The following DCAF17 variants were observed in gnomAD, a reference collection of about 807,000 sequenced individuals.
The protein encoded by DCAF17 is DDB1 and CUL4 associated factor 17.
In DCAF17, 48 loss-of-function variants were observed where a neutral mutation model predicts 66.0. That is an observed-to-expected ratio of 0.73 (90% CI 0.58 to 0.92). The LOEUF is 0.92. Ranked by LOEUF, DCAF17 falls within the 40% of genes least tolerant of loss-of-function variation. The pLI is 0.00. For missense variants in DCAF17, 562 were observed against 622.8 expected (o/e 0.90, Z 1.04); for synonymous variants, 206 against 214.6 (o/e 0.96, Z 0.35).
intron 4 of DCAF17, among the ~76,000 whole-genome samples, chr2:171,449,191 A>G (rs1289087252): frequency 6.6e-6 from 1 of 152,102 alleles, no homozygotes. Context: ...TATTTTTGGT[A>G]GAGCTGAGGT....
intron 2 of DCAF17, among the ~76,000 whole-genome samples, chr2:171,435,593 A>G (rs2105712767): frequency 6.8e-6 from 1 of 146,762 alleles, no homozygotes; most frequent in South Asian, 2.2e-4. Flanking sequence ...AAAGCCTAGT[A>G]TTTAGAGATC....
At position 171,466,727 on chromosome 2, in the gene DCAF17, G is replaced by GTT. The variant is rs74268270; in HGVS notation, c.839-2147_839-2146dup. 6.1e-3 allele frequency among the ~76,000 whole-genome samples: 819 copies of GTT among 133,620 alleles called. 8 individuals are homozygous for GTT. Among genetic ancestry groups the GTT allele is most frequent in the African/African-American group, 0.021 (759 of 36,554 alleles). The allele number at this position is 133,620 out of a possible 152,430, so 87.7% of individuals were successfully genotyped here. ...CTTTTTAAGTACATCTGTTTGTACTGTTTTTTTTTTTTTTTCTATTTTGAA... is the reference window on the plus strand; with the variant it reads ...CTTTTTAAGTACATCTGTTTGTACTGTTTTTTTTTTTTTTTTTCTATTTTGAA... On this transcript the variant is annotated intron_variant, in intron 8 of 13. Coordinates refer to ENST00000375255, the MANE Select transcript of DCAF17 (RefSeq NM_025000.4).
In DCAF17 at chr2:171,441,091, G is replaced by A. The variant is rs192828646; in HGVS notation, c.231-2432G>A. On this transcript the variant is annotated intron_variant, in intron 2 of 13. Coordinates refer to ENST00000375255, the MANE Select transcript of DCAF17 (RefSeq NM_025000.4). ...ACAATTTAGCCTGTATCTCCGCTGA[G>A]TCTACCAGTCTCCTCCCATTTGCCT... is the stretch of plus-strand genomic sequence containing the variant. Among the ~76,000 whole-genome samples, 432 of 152,268 alleles carry A rather than the reference G, an allele frequency of 2.8e-3. 6 individuals are homozygous for A. The highest frequency in any genetic ancestry group is 9.7e-3 in the African/African-American group (404 of 41,542).
intron 8 of DCAF17, among the ~76,000 whole-genome samples, chr2:171,461,725 G>GTA (rs1426895682): frequency 6.6e-6 from 1 of 152,254 alleles, no homozygotes; most frequent in East Asian, 1.9e-4. Context: ...TTTGTCAAAT[G>GTA]TATACATCCA....
intron 9 of DCAF17, 132 bp downstream of exon 9, chr2:171,469,162 A>T (rs1696093118): frequency 5.5e-6 from 5 of 915,150 alleles, no homozygotes; most frequent in Non-Finnish European, 8.5e-6. Context: ...ACAATTTAAA[A>T]TACAGAAGAA....
intron 4 of DCAF17, among the ~76,000 whole-genome samples, chr2:171,449,375 A>G (rs1694821027): frequency 6.6e-6 from 1 of 152,194 alleles, no homozygotes; most frequent in African/African-American, 2.4e-5. Context: ...AAAAAAAAAA[A>G]TTCCCTGTAT....
intron 8 of DCAF17, among the ~76,000 whole-genome samples, chr2:171,462,947 T>G (rs1187840839): frequency 6.6e-6 from 1 of 152,002 alleles, no homozygotes; most frequent in Non-Finnish European, 1.5e-5. Flanking sequence ...AAGGAGGAGT[T>G]TTAACTGGGC....
At chr2:171,457,234 T>C (rs1010473732) in intron 6 of DCAF17, among the ~76,000 whole-genome samples, 2 of 152,230 alleles carry the variant, frequency 1.3e-5, no homozygotes, top group East Asian at 1.9e-4. Flanking sequence ...TAAGTACTTA[T>C]GTTTGCTTAT....
intron 6 of DCAF17, among the ~76,000 whole-genome samples, chr2:171,456,183 T>G (rs1390087460): frequency 6.6e-6 from 1 of 152,216 alleles, no homozygotes; most frequent in Admixed American, 6.5e-5. Context: ...TTGAGTTAAT[T>G]TTTGCGTATG....
chr2:171,448,655 T>C, intron 3 of DCAF17, 26 bp from the exon 4 acceptor site: 1 of 1,542,320 alleles, frequency 6.5e-7, no homozygotes, highest in Non-Finnish European at 8.7e-7. Context: ...GCAGTTTCAT[T>C]TTTATATCTC....
At chr2:171,448,925 G>C in intron 4 of DCAF17, 108 bp downstream of exon 4, 2 of 972,400 alleles carry the variant, frequency 2.1e-6, no homozygotes, top group Non-Finnish European at 3.2e-6. Flanking sequence ...TCCATTACCA[G>C]ATCTCAATTA....
intron 7 of DCAF17, 24 bp from the exon 8 acceptor site, chr2:171,458,348 A>T: frequency 6.3e-7 from 1 of 1,593,160 alleles, no homozygotes; most frequent in Non-Finnish European, 8.6e-7. Flanking sequence ...TAAAGCCACC[A>T]TTTTTGTTTT....
Position 171,448,667 on chromosome 2 carries a change from C to CTTT in DCAF17, c.322-5_322-3dup, listed in dbSNP as rs372539451. On this transcript the variant is annotated splice_polypyrimidine_tract_variant and intron_variant, in intron 3 of 13. Coordinates refer to ENST00000375255, the MANE Select transcript of DCAF17 (RefSeq NM_025000.4). ...CAAGCAGTTTCATTTTTATATCTCT[C>CTTT]TTTTTTTTTTTAGGGAGATATACTT... The CTTT allele has an allele frequency of 1.5e-4, 194 of 1,328,586 alleles. No homozygotes were observed. Among genetic ancestry groups the CTTT allele is most frequent in the Admixed American group, 3.8e-4 (16 of 42,512 alleles). 82.3% of individuals were successfully genotyped at this position (1,328,586 alleles called of 1,614,324 possible). A position where few individuals can be genotyped will look rare whatever the true frequency, so the allele number is the denominator to read the frequency against.
chr2:171,475,780 A>G (rs1696470844), intron 10 of DCAF17, among the ~76,000 whole-genome samples: 1 of 152,146 alleles, frequency 6.6e-6, no homozygotes, highest in South Asian at 2.1e-4. Context: ...ATAAAAAATA[A>G]CAAAGGGAAG....
rs905475908 is a variant in DCAF17 at position 171,482,589 on chromosome 2, G to C, written c.*1475G>C. 2.2e-6 allele frequency: 1 copy of C among 454,074 alleles called. No individual in the cohort carries two copies. The highest frequency in any genetic ancestry group is 4.4e-6 in the Non-Finnish European group (1 of 226,780). 28.1% of individuals were successfully genotyped at this position (454,074 alleles called of 1,614,324 possible). ...TGAGTTTCAAAGCAGCTGCAATGCT[G>C]TGTAAAAGTAGAGTGTTCATTCTCC... On this transcript the variant is annotated 3_prime_UTR_variant, in exon 14 of 14. Transcript: ENST00000375255.
In DCAF17 at chr2:171,434,710, G is replaced by C. The variant is rs1345997002; in HGVS notation, c.126+7G>C. On this transcript the variant is annotated splice_region_variant and intron_variant, in intron 1 of 13. Coordinates refer to ENST00000375255, the MANE Select transcript of DCAF17 (RefSeq NM_025000.4). Reference sequence around the variant, plus strand: ...GCGGGCGCTGGTGTGCCAGGTGACCGCCAGCCGGCCGGGGCGGGACGGAGG... The same window carrying C: ...GCGGGCGCTGGTGTGCCAGGTGACCCCCAGCCGGCCGGGGCGGGACGGAGG... The C allele has an allele frequency of 4.1e-6, 6 of 1,459,352 alleles. No individual in the cohort carries two copies. The highest frequency in any genetic ancestry group is 1.5e-5 in the African/African-American group (1 of 67,460). The allele number at this position is 1,459,352 out of a possible 1,614,324, so 90.4% of individuals were successfully genotyped here.
intron 12 of DCAF17, 185 bp from the exon 13 acceptor site, chr2:171,479,853 C>G: frequency 1.6e-6 from 1 of 623,856 alleles, no homozygotes; most frequent in Non-Finnish European, 2.7e-6. Context: ...TCTTGAAAAT[C>G]TTGGAGCTGA....
intron 8 of DCAF17, among the ~76,000 whole-genome samples, chr2:171,462,457 G>A (rs1695640218): frequency 1.3e-5 from 2 of 152,124 alleles, no homozygotes; most frequent in Admixed American, 6.5e-5. Flanking sequence ...TTAATTAGGG[G>A]AGTGCAAAGC....
At chr2:171,453,644 A>G (rs750701779) in intron 6 of DCAF17, among the ~76,000 whole-genome samples, 14 of 152,200 alleles carry the variant, frequency 9.2e-5, no homozygotes, top group Non-Finnish European at 1.8e-4. Flanking sequence ...AAATTTTCCA[A>G]TTCATTCAGT....
Sources: gnomAD v4.1 joint callset for allele counts (sites outside exome capture counted in the v4.1 genomes callset) on GRCh38, gnomAD v4.1.1 for gene constraint, MANE v1.5 for transcripts, NCBI Gene and HGNC (gene_info 2026-07-23, HGNC 2026-07-21) for gene names.